ANK3: variants seen among roughly 807,000 people sequenced by gnomAD.
ANK3 encodes the protein ankyrin 3.
In ANK3, 57 loss-of-function variants were observed where a neutral mutation model predicts 370.9. The observed-to-expected ratio is 0.15, with a 90% CI of 0.12 to 0.19. ANK3 has a LOEUF of 0.19. ANK3 is among the 10% of genes least tolerant of loss of function. The pLI is 1.00. For missense variants in ANK3, 4,439 were observed against 5,302.1 expected, an observed-to-expected ratio of 0.84 and a Z score of 5.06; for synonymous variants, 1,929 against 1,946.3, an observed-to-expected ratio of 0.99 and a Z score of 0.23.
At chr10:60,294,146 C>T (rs1241011203) in intron 1 of ANK3, among the ~76,000 whole-genome samples, 3 of 151,650 alleles carry the variant, frequency 2.0e-5, no homozygotes, top group Non-Finnish European at 4.4e-5. Flanking sequence ...AATAGATGAA[C>T]ATTTTCCCAA....
chr10:60,471,140 C>CA (rs1405793374), intron 2 of ANK3, among the ~76,000 whole-genome samples: 2 of 151,954 alleles, frequency 1.3e-5, no homozygotes, highest in Admixed American at 6.6e-5. Context: ...TTTACACTGA[C>CA]AAAAAATAGT....
intron 2 of ANK3, among the ~76,000 whole-genome samples, chr10:60,424,824 G>A (rs971120701): frequency 6.6e-6 from 1 of 152,004 alleles, no homozygotes; most frequent in African/African-American, 2.4e-5. Flanking sequence ...CAAGTATGAG[G>A]TGGTTGCAGG....
intron 2 of ANK3, among the ~76,000 whole-genome samples, chr10:60,609,585 A>G (rs2078175481): frequency 6.6e-6 from 1 of 151,628 alleles, no homozygotes; most frequent in Admixed American, 6.6e-5. Flanking sequence ...GGGGACTTCT[A>G]TGAGAGTTAC....
chr10:60,137,374 GAAAAA>G (rs201151245), intron 24 of ANK3: 35 of 164,360 alleles, frequency 2.1e-4, no homozygotes, highest in South Asian at 1.2e-3. Context: ...GTAATTTTAG[GAAAAA>G]AAAAAAAAAA....
In ANK3 at chr10:60,152,300, A is replaced by T. The variant is rs192997164; in HGVS notation, c.2615-13213T>A. ...TAAATAAGCTTTATTAGTATCACAC[A>T]ATCAGGCCTGTTGATTTAGGTATTA... On this transcript the variant is annotated intron_variant, in intron 23 of 43. Coordinates refer to ENST00000280772, the MANE Select transcript of ANK3 (RefSeq NM_020987.5). Among the ~76,000 whole-genome samples the T allele has an allele frequency of 3.3e-3, 496 of 152,296 alleles. 9 individuals are homozygous for T. The highest frequency in any genetic ancestry group is 0.031 in the Admixed American group (471 of 15,284).
chr10:60,270,494 T>G (rs575318731), intron 4 of ANK3, among the ~76,000 whole-genome samples: 5 of 152,278 alleles, frequency 3.3e-5, no homozygotes, highest in African/African-American at 1.2e-4. Flanking sequence ...CCAAGTATAA[T>G]TCAAAGCAAT....
At chr10:60,468,010 G>T (rs1193603112) in intron 2 of ANK3, among the ~76,000 whole-genome samples, 5 of 144,728 alleles carry the variant, frequency 3.5e-5, no homozygotes, top group Admixed American at 2.1e-4. Context: ...TTGAGATGGA[G>T]TTTTGCTCTT....
intron 18 of ANK3, among the ~76,000 whole-genome samples, chr10:60,174,720 T>C (rs77163509): frequency 8.9e-4 from 136 of 152,278 alleles, no homozygotes; most frequent in African/African-American, 3.2e-3. Flanking sequence ...TGATTAGGTA[T>C]ATATAGTTGA....
At chr10:60,467,307 C>G (rs959353103) in intron 2 of ANK3, among the ~76,000 whole-genome samples, 1 of 152,174 alleles carries the variant, frequency 6.6e-6, no homozygotes, top group Non-Finnish European at 1.5e-5. Flanking sequence ...GGCTTCAACA[C>G]AGCAATTCAT....
At chr10:60,590,304 T>A (rs556918638) in intron 2 of ANK3, among the ~76,000 whole-genome samples, 3 of 152,204 alleles carry the variant, frequency 2.0e-5, no homozygotes, top group Non-Finnish European at 4.4e-5. Flanking sequence ...TGGAAAAACA[T>A]GTAAAATATC....
intron 2 of ANK3, among the ~76,000 whole-genome samples, chr10:60,506,429 C>T (rs928112726): frequency 2.0e-5 from 3 of 152,062 alleles, no homozygotes; most frequent in Non-Finnish European, 4.4e-5. Flanking sequence ...GGGCATCTTT[C>T]CAAAGTTTGG....
At chr10:60,244,531 T>A (rs2132576168) in intron 7 of ANK3, among the ~76,000 whole-genome samples, 1 of 152,328 alleles carries the variant, frequency 6.6e-6, no homozygotes, top group African/African-American at 2.4e-5. Context: ...CTATTATGAT[T>A]AAAAAATAAG....
intron 2 of ANK3, among the ~76,000 whole-genome samples, chr10:60,432,703 T>C (rs1555372337): frequency 6.6e-6 from 1 of 152,192 alleles, no homozygotes; most frequent in Non-Finnish European, 1.5e-5. Flanking sequence ...ACAGCTCTTG[T>C]ACATTCAGGT....
intron 2 of ANK3, among the ~76,000 whole-genome samples, chr10:60,578,971 A>T (rs2077714401): frequency 1.3e-5 from 2 of 152,142 alleles, no homozygotes. Flanking sequence ...TTGCTTAATA[A>T]TTGTTGGCAT....
chr10:60,468,853 G>C (rs1367467719), intron 2 of ANK3, among the ~76,000 whole-genome samples: 2 of 150,184 alleles, frequency 1.3e-5, no homozygotes, highest in African/African-American at 5.0e-5. Context: ...GAAATACTGA[G>C]ACAGACTTGT....
intron 1 of ANK3, among the ~76,000 whole-genome samples, chr10:60,362,095 C>T (rs1340905682): frequency 6.6e-6 from 1 of 152,074 alleles, no homozygotes; most frequent in Non-Finnish European, 1.5e-5. Flanking sequence ...ACTTGATATG[C>T]CCCACAACAT....
chr10:60,242,217 T>C (rs2097474903), intron 7 of ANK3, among the ~76,000 whole-genome samples: 1 of 152,170 alleles, frequency 6.6e-6, no homozygotes, highest in African/African-American at 2.4e-5. Context: ...GATTTTGCCT[T>C]CTACTTTTAG....
rs576235184 is a variant in ANK3 at position 60,090,787 on chromosome 10, G to C, written c.3329-2429C>G. 2.6e-5 allele frequency among the ~76,000 whole-genome samples: 4 copies of C among 152,284 alleles called. No homozygotes were observed. In the East Asian group the frequency reaches 5.8e-4, roughly 22 times the overall value. ...CATCTTGTTATCAGAGAAAAATTAA[G>C]GGAAATAAGTGCTTTCATTACTGCA... On this transcript the variant is annotated intron_variant, in intron 28 of 43. Coordinates refer to ENST00000280772, the MANE Select transcript of ANK3 (RefSeq NM_020987.5).
chr10:60,493,629 G>C (rs2075580578), intron 2 of ANK3, among the ~76,000 whole-genome samples: 1 of 151,988 alleles, frequency 6.6e-6, no homozygotes. Context: ...GTCAAGTTGA[G>C]TTTTTTTAGA....
Sources: gnomAD v4.1 joint callset for allele counts (sites outside exome capture counted in the v4.1 genomes callset) on GRCh38, gnomAD v4.1.1 for gene constraint, MANE v1.5 for transcripts, NCBI Gene and HGNC (gene_info 2026-07-23, HGNC 2026-07-21) for gene names.